ABCB5: variants seen among roughly 807,000 people sequenced by gnomAD.
ABCB5 encodes ATP binding cassette subfamily B member 5, also known as ATP-binding cassette sub-family B member 5.
Under a neutral mutation model 144.2 loss-of-function variants are expected in ABCB5, and 155 were observed. The ratio of observed to expected loss-of-function variants is 1.08; its 90% CI spans 0.94 to 1.23. The LOEUF is 1.23. ABCB5 is among the 50% of genes most tolerant of loss of function. The pLI, the probability that ABCB5 is intolerant of heterozygous loss-of-function variation, is 0.00. For missense variants in ABCB5, 1,830 were observed against 1,520.8 expected (o/e 1.20, Z -3.38); for synonymous variants, 610 against 528.6 (o/e 1.15, Z -2.11).
chr7:20,728,946 T>C (rs1782125876), intron 23 of ABCB5, among the ~76,000 whole-genome samples: 1 of 152,224 alleles, frequency 6.6e-6, no homozygotes, highest in Non-Finnish European at 1.5e-5. Context: ...TTTGTATTGA[T>C]ATATAATAGT....
chr7:20,688,716 A>C (rs1383852917), intron 16 of ABCB5, among the ~76,000 whole-genome samples: 2 of 152,152 alleles, frequency 1.3e-5, no homozygotes, highest in Non-Finnish European at 2.9e-5. Context: ...CTTGGAACCA[A>C]CCCAAATGCC....
In ABCB5 at chr7:20,753,364, A is replaced by G. The variant is rs1174685787; in HGVS notation, c.3434A>G (p.Tyr1145Cys). The G allele has an allele frequency of 6.2e-7, 1 of 1,611,618 alleles. No individual in the cohort carries two copies. The highest frequency in any genetic ancestry group is 1.1e-5 in the South Asian group (1 of 90,558). ...AATTGCATGCTCCTGTGATAGAAATACAACACACAAGTTGGACTGAAAGGA... is the reference window on the plus strand; with the variant it reads ...AATTGCATGCTCCTGTGATAGAAATGCAACACACAAGTTGGACTGAAAGGA... Reference protein sequence around the residue: ...HSFIEGLPEKYNTQVGLKGAQ... With the variant: ...HSFIEGLPEKCNTQVGLKGAQ... The change falls in exon 27 of 28, where the codon TAC becomes TGC. Residue 1145 changes from tyrosine (Y) to cysteine (C), a missense_variant. Coordinates refer to ENST00000404938, the MANE Select transcript of ABCB5 (RefSeq NM_001163941.2).
Position 20,643,561 on chromosome 7 carries a change from G to A in ABCB5, c.607G>A (p.Gly203Ser). The change falls in exon 7 of 28, where the codon GGC (glycine) becomes AGC (serine). Residue 203 changes from glycine (G) to serine (S), a missense_variant. Gly to Ser is a moderately conservative substitution (Grantham distance 56). Coordinates refer to ENST00000404938, the MANE Select transcript of ABCB5 (RefSeq NM_001163941.2). ...TGGCCTGGCAGTTGGTTTGGTGAAG[G>A]GCTGGAAACTCACCCTAGTGACTCT... ...SIGLAVGLVK[G>S]WKLTLVTLST... 3 of 1,613,952 alleles carry A rather than the reference G, an allele frequency of 1.9e-6. No homozygotes were observed. The highest frequency in any genetic ancestry group is 2.5e-6 in the Non-Finnish European group (3 of 1,179,886).
At chr7:20,742,065 A>G (rs1782578889) in intron 24 of ABCB5, among the ~76,000 whole-genome samples, 1 of 152,294 alleles carries the variant, frequency 6.6e-6, no homozygotes, top group East Asian at 1.9e-4. Flanking sequence ...TCACTGCCAA[A>G]TAATGGTCAA....
intron 17 of ABCB5, 111 bp from the exon 18 acceptor site, chr7:20,699,713 GA>G (rs376484007): frequency 0.067 from 34,360 of 513,600 alleles, 18 homozygotes; most frequent in Middle Eastern, 0.09. Context: ...TCTCATAAAA[GA>G]AAAAAAAAAA....
At chr7:20,655,434 C>A (rs1031854170) in intron 13 of ABCB5, among the ~76,000 whole-genome samples, 8 of 152,134 alleles carry the variant, frequency 5.3e-5, no homozygotes, top group African/African-American at 1.9e-4. Flanking sequence ...GATAGCACCA[C>A]TGCACTCCAG....
chr7:20,617,912 G>T (rs536022153), intron 1 of ABCB5, among the ~76,000 whole-genome samples: 1 of 152,092 alleles, frequency 6.6e-6, no homozygotes, highest in Non-Finnish European at 1.5e-5. Context: ...TCACCAAGAA[G>T]ATATAACAAC....
chr7:20,659,513 ATTATT>A (rs1784928964), intron 14 of ABCB5: 2 of 1,021,396 alleles, frequency 2.0e-6, no homozygotes, highest in East Asian at 1.8e-4. Context: ...CTTAGTTACT[ATTATT>A]TAGTAGCAAA....
intron 20 of ABCB5, among the ~76,000 whole-genome samples, chr7:20,716,504 AT>A (rs545077840): frequency 5.9e-4 from 88 of 149,656 alleles, no homozygotes; most frequent in African/African-American, 1.8e-3. Context: ...GCAAAGACCA[AT>A]TTTTTTTTTA....
At chr7:20,682,182 C>T (rs1482251838) in intron 15 of ABCB5, among the ~76,000 whole-genome samples, 8 of 151,828 alleles carry the variant, frequency 5.3e-5, no homozygotes, top group Non-Finnish European at 7.4e-5. Flanking sequence ...TCCAGCCTGC[C>T]GACAGAGCGA....
At position 20,708,072 on chromosome 7, in the gene ABCB5, T is replaced by A. The variant is rs541722762; in HGVS notation, c.2421+3265T>A. Among the ~76,000 whole-genome samples, 6 of 152,196 alleles carry A rather than the reference T, an allele frequency of 3.9e-5. 1 individual carries two copies. Among genetic ancestry groups the A allele is most frequent in the African/African-American group, 1.4e-4 (6 of 41,524 alleles). On this transcript the variant is annotated intron_variant, in intron 20 of 27. Coordinates refer to ENST00000404938, the MANE Select transcript of ABCB5 (RefSeq NM_001163941.2). ...CGCCCGCCTCGGCCTCCCAAAGTGCTGGATTACAGGCGTGAGCCACCGCGC... is the reference window on the plus strand; with the variant it reads ...CGCCCGCCTCGGCCTCCCAAAGTGCAGGATTACAGGCGTGAGCCACCGCGC...
intron 13 of ABCB5, among the ~76,000 whole-genome samples, chr7:20,656,571 C>G (rs1481802329): frequency 6.6e-6 from 1 of 152,146 alleles, no homozygotes; most frequent in Non-Finnish European, 1.5e-5. Flanking sequence ...TACCATTTTA[C>G]ACTCTTAGAA....
At chr7:20,639,043 T>C (rs1784227407) in intron 5 of ABCB5, among the ~76,000 whole-genome samples, 1 of 151,182 alleles carries the variant, frequency 6.6e-6, no homozygotes, top group South Asian at 2.1e-4. Flanking sequence ...CCTTTTTTAT[T>C]ACAGCCATTG....
At chr7:20,742,769 G>A (rs1008009175) in intron 24 of ABCB5, 108 bp from the exon 25 acceptor site, 1 of 1,068,014 alleles carries the variant, frequency 9.4e-7, no homozygotes, top group South Asian at 1.5e-5. Flanking sequence ...AAAATTAAAA[G>A]GGCTCTGGAA....
At chr7:20,710,367 CAAA>C (rs144865719) in intron 20 of ABCB5, among the ~76,000 whole-genome samples, 1 of 35,126 alleles carries the variant, frequency 2.8e-5, no homozygotes, top group Admixed American at 4.1e-4. Context: ...AACTCCACCT[CAAA>C]AAAAAAAAAA....
chr7:20,626,833 G>C (rs570485067), intron 3 of ABCB5, among the ~76,000 whole-genome samples: 1 of 150,062 alleles, frequency 6.7e-6, no homozygotes, highest in East Asian at 2.0e-4. Context: ...TAATGACTCA[G>C]TGTTTTAAAA....
At chr7:20,750,125 C>T (rs562711739) in intron 26 of ABCB5, among the ~76,000 whole-genome samples, 61 of 152,130 alleles carry the variant, frequency 4.0e-4, no homozygotes, top group Non-Finnish European at 6.8e-4. Flanking sequence ...ATGTAAATGA[C>T]GGTAGAGAGT....
chr7:20,650,184 A>G lies in ABCB5; in HGVS notation c.1332+37A>G, dbSNP rs11976848. 0.024 allele frequency: 38,652 copies of G among 1,605,106 alleles called. 4,678 individuals are homozygous for G. The African/African-American group carries it at 0.33, about 14-fold the overall frequency. The stretch of plus-strand genomic sequence containing the variant: ...TAGCAAAACCATGCACAGTCCACCT[A>G]ATGGAATCTGGAAACACCGCAGGGC... On this transcript the variant is annotated intron_variant, in intron 12 of 27. Transcript: ENST00000404938.
In ABCB5 at chr7:20,628,755, G is replaced by C; in HGVS notation, c.176G>C (p.Gly59Ala). ...GGTATACTGGCATCACTGGTCAATG[G>C]AGCCTGCCTTCCTTTAATGCCACTG... The part of the protein sequence containing the change: ...ILGILASLVN[G>A]ACLPLMPLVL... Residue 59 changes from glycine to alanine, a missense_variant, in exon 4 of 28, where the codon GGA becomes GCA. Physicochemically the swap from Gly to Ala is moderately conservative, Grantham distance 60. Transcript: ENST00000404938. 6.2e-7 allele frequency: 1 copy of C among 1,613,646 alleles called. No homozygotes were observed. The highest frequency in any genetic ancestry group is 1.7e-5 in the Admixed American group (1 of 59,926).
Sources: allele counts gnomAD v4.1 joint callset (sites outside exome capture counted in the v4.1 genomes callset), GRCh38; gene constraint gnomAD v4.1.1; transcripts MANE v1.5; gene names NCBI Gene and HGNC (gene_info 2026-07-23, HGNC 2026-07-21).